Variants in ANKFN1 observed in about 807,000 individuals in gnomAD.
The protein encoded by ANKFN1 is ankyrin repeat and fibronectin type III domain containing 1.
Under a neutral mutation model 108.7 loss-of-function variants are expected in ANKFN1, and 74 were observed. That is an observed-to-expected ratio of 0.68 (90% CI 0.56 to 0.83). The LOEUF (loss-of-function observed/expected upper bound fraction) is 0.83. Among genes scored for constraint, ANKFN1 ranks in the 40% least tolerant of loss-of-function variants. The pLI, the probability that ANKFN1 is intolerant of heterozygous loss-of-function variation, is 0.00. For synonymous variants in ANKFN1, 547 were observed against 516.2 expected, an observed-to-expected ratio of 1.06 and a Z score of -0.81; for missense variants, 1,505 against 1,382.3, an observed-to-expected ratio of 1.09 and a Z score of -1.41.
chr17:56,369,660 A>AG (rs1187852048), intron 6 of ANKFN1, among the ~76,000 whole-genome samples: 1 of 152,240 alleles, frequency 6.6e-6, no homozygotes, highest in Non-Finnish European at 1.5e-5. Flanking sequence ...CATTAATAAT[A>AG]GGGAGAAACA....
chr17:56,454,812 A>T (rs559423795), intron 11 of ANKFN1, among the ~76,000 whole-genome samples: 66 of 152,290 alleles, frequency 4.3e-4, no homozygotes, highest in African/African-American at 1.6e-3. Flanking sequence ...GTACACTGCC[A>T]CCATCATCAG....
chr17:56,513,791 T>C lies in ANKFN1; in HGVS notation c.*2522T>C, dbSNP rs1241186054. Among the ~76,000 whole-genome samples the C allele has an allele frequency of 6.6e-6, 1 of 152,248 alleles. No individual in the cohort carries two copies. The highest frequency in any genetic ancestry group is 1.5e-5 in the Non-Finnish European group (1 of 68,048). ...ACAAAAAGAATAATGCATGTTACAT[T>C]TTAATGGGCATAGTTAAATCAATTG... On this transcript the variant is annotated 3_prime_UTR_variant, in exon 21 of 21. Transcript: ENST00000682825.
intron 4 of ANKFN1, among the ~76,000 whole-genome samples, chr17:56,085,657 T>C (rs1318417303): frequency 6.6e-6 from 1 of 151,396 alleles, no homozygotes; most frequent in Non-Finnish European, 1.5e-5. Flanking sequence ...TTCTCCTCTT[T>C]TGTGGGATGA....
intron 3 of ANKFN1, among the ~76,000 whole-genome samples, chr17:56,283,348 A>G (rs1025990850): frequency 2.0e-5 from 3 of 152,146 alleles, no homozygotes; most frequent in Admixed American, 6.5e-5. Context: ...AAGTGAAAGT[A>G]GAACTACCAT....
intron 1 of ANKFN1, among the ~76,000 whole-genome samples, chr17:56,202,862 A>G (rs1379142912): frequency 1.3e-5 from 2 of 152,262 alleles, no homozygotes; most frequent in Non-Finnish European, 2.9e-5. Flanking sequence ...GTAAAAAGTA[A>G]AAAATCAAAA....
intron 3 of ANKFN1, among the ~76,000 whole-genome samples, chr17:56,306,741 T>C (rs943503506): frequency 3.9e-5 from 6 of 152,160 alleles, no homozygotes; most frequent in Non-Finnish European, 8.8e-5. Context: ...AAAGTTCATA[T>C]GGAACCAAAA....
chr17:56,444,204 T>G (rs1182504872), intron 10 of ANKFN1, among the ~76,000 whole-genome samples: 1 of 53,498 alleles, frequency 1.9e-5, no homozygotes, highest in East Asian at 3.5e-3. Flanking sequence ...CATGGTCTTT[T>G]TAAAAAAAAT....
chr17:56,233,746 C>G (rs954847859), intron 3 of ANKFN1, among the ~76,000 whole-genome samples: 1 of 151,282 alleles, frequency 6.6e-6, no homozygotes, highest in Non-Finnish European at 1.5e-5. Context: ...TATTATATAC[C>G]TAATATATAA....
At chr17:56,354,471 T>C (rs2046325265) in intron 6 of ANKFN1, among the ~76,000 whole-genome samples, 1 of 152,168 alleles carries the variant, frequency 6.6e-6, no homozygotes, top group Admixed American at 6.5e-5. Flanking sequence ...CTGTTCTAGG[T>C]GCTAGGAATG....
chr17:56,439,971 A>C (rs1178071785), intron 8 of ANKFN1, among the ~76,000 whole-genome samples: 1 of 152,136 alleles, frequency 6.6e-6, no homozygotes, highest in African/African-American at 2.4e-5. Context: ...ACACACACAC[A>C]ATGTGTTTAT....
chr17:56,459,005 T>A (rs931856206), intron 14 of ANKFN1, among the ~76,000 whole-genome samples: 1 of 152,236 alleles, frequency 6.6e-6, no homozygotes. Flanking sequence ...GAAATGCAAA[T>A]TTTGCTCCTC....
intron 3 of ANKFN1, chr17:56,245,606 A>G (rs1021722737): frequency 6.6e-6 from 1 of 152,178 alleles, no homozygotes; most frequent in Non-Finnish European, 1.5e-5. Context: ...CTGATAGCAA[A>G]CACTTATAGT....
Position 56,345,096 on chromosome 17 carries a change from A to G in ANKFN1, c.189-5670A>G, listed in dbSNP as rs866353874. Among the ~76,000 whole-genome samples, 11 of 151,996 alleles carry G rather than the reference A, an allele frequency of 7.2e-5. No individual in the cohort carries two copies. The South Asian group carries it at 1.9e-3, about 26-fold the overall frequency. The stretch of plus-strand genomic sequence containing the variant: ...GTGTGATGCTTCTCTCCCTGTGCCC[A>G]TGTGTTCTCATTGTTCAACCCCACT... On this transcript the variant is annotated intron_variant, in intron 4 of 20. Coordinates refer to ENST00000682825, the MANE Select transcript of ANKFN1 (RefSeq NM_001370326.1).
At chr17:56,170,558 T>C (rs1910557172) in intron 1 of ANKFN1, among the ~76,000 whole-genome samples, 1 of 150,252 alleles carries the variant, frequency 6.7e-6, no homozygotes, top group Non-Finnish European at 1.5e-5. Flanking sequence ...AGGTCAGGGG[T>C]TCAAGACCAG....
At chr17:56,136,570 T>A (rs531302745) in intron 4 of ANKFN1, among the ~76,000 whole-genome samples, 31 of 152,286 alleles carry the variant, frequency 2.0e-4, no homozygotes, top group Non-Finnish European at 3.4e-4. Context: ...ACCAAATATA[T>A]TGCAAAACAG....
chr17:56,169,257 C>T (rs1348598508), intron 1 of ANKFN1, among the ~76,000 whole-genome samples: 1 of 151,940 alleles, frequency 6.6e-6, no homozygotes, highest in African/African-American at 2.4e-5. Flanking sequence ...CTTCTAATTC[C>T]GTTTAAAATT....
At chr17:56,250,594 A>T (rs978117777) in intron 3 of ANKFN1, among the ~76,000 whole-genome samples, 1 of 152,218 alleles carries the variant, frequency 6.6e-6, no homozygotes, top group African/African-American at 2.4e-5. Flanking sequence ...CACAAACTAG[A>T]TCTATACATC....
intron 8 of ANKFN1, among the ~76,000 whole-genome samples, 163 bp from the exon 9 acceptor site, chr17:56,440,164 C>T (rs779297752): frequency 1.3e-5 from 2 of 152,134 alleles, no homozygotes; most frequent in Non-Finnish European, 2.9e-5. Flanking sequence ...ACTAAATTAA[C>T]ATCTCAAGGA....
At chr17:56,074,528 G>T (rs551047761) in intron 4 of ANKFN1, among the ~76,000 whole-genome samples, 128 of 152,322 alleles carry the variant, frequency 8.4e-4, no homozygotes, top group African/African-American at 2.9e-3. Flanking sequence ...GGCAGCTTCT[G>T]AAACAGGCGC....
Sources: gnomAD v4.1 joint callset for allele counts (sites outside exome capture counted in the v4.1 genomes callset) on GRCh38, gnomAD v4.1.1 for gene constraint, MANE v1.5 for transcripts, NCBI Gene and HGNC (gene_info 2026-07-23, HGNC 2026-07-21) for gene names.